The following DTD1 variants were observed in gnomAD, a reference collection of about 807,000 sequenced individuals.
DTD1 encodes D-aminoacyl-tRNA deacylase 1.
Under a neutral mutation model 25.6 loss-of-function variants are expected in DTD1, and 13 were observed. The observed-to-expected ratio is 0.51, with a 90% CI of 0.33 to 0.81. The LOEUF (loss-of-function observed/expected upper bound fraction) is 0.81. Ranked by LOEUF, DTD1 falls within the 30% of genes least tolerant of loss-of-function variation. DTD1 has a pLI of 0.02. For synonymous variants in DTD1, 110 were observed against 103.6 expected (o/e 1.06, Z -0.37); for missense variants, 193 against 266.4 (o/e 0.72, Z 1.92).
chr20:18,617,730 T>A (rs1189491878), intron 3 of DTD1, among the ~76,000 whole-genome samples: 1 of 150,186 alleles, frequency 6.7e-6, no homozygotes. Flanking sequence ...TCTATCCATT[T>A]GCAAATGTGA....
chr20:18,760,134 G>A (rs972380412), intron 5 of DTD1, among the ~76,000 whole-genome samples: 2 of 152,056 alleles, frequency 1.3e-5, no homozygotes, highest in South Asian at 2.1e-4. Context: ...TTAGCCATTC[G>A]TCTAATCTTT....
At chr20:18,681,917 G>A (rs1463609417) in intron 4 of DTD1, among the ~76,000 whole-genome samples, 3 of 152,110 alleles carry the variant, frequency 2.0e-5, no homozygotes, top group African/African-American at 7.2e-5. Context: ...AAAAGTTAAC[G>A]ATTTAAACCA....
intron 3 of DTD1, among the ~76,000 whole-genome samples, chr20:18,615,321 G>T (rs895331142): frequency 6.6e-6 from 1 of 152,048 alleles, no homozygotes; most frequent in African/African-American, 2.4e-5. Flanking sequence ...TCGAATCATT[G>T]CTTTAGGGGA....
At chr20:18,762,119 T>C (rs537221951) in intron 5 of DTD1, among the ~76,000 whole-genome samples, 1 of 152,312 alleles carries the variant, frequency 6.6e-6, no homozygotes, top group East Asian at 1.9e-4. Context: ...GAATGAGGGC[T>C]GTTAGTCTAT....
intron 4 of DTD1, among the ~76,000 whole-genome samples, chr20:18,732,341 C>T (rs1224122122): frequency 1.3e-5 from 2 of 152,216 alleles, no homozygotes; most frequent in African/African-American, 4.8e-5. Flanking sequence ...AACTCTGTTA[C>T]AGTTCATGAT....
At position 18,588,927 on chromosome 20, in the gene DTD1, A is replaced by G. The variant is rs2060577688; in HGVS notation, c.43+812A>G. The G allele has an allele frequency of 4.2e-6, 4 of 949,954 alleles. No homozygotes were observed. In the South Asian group the frequency reaches 1.5e-4, roughly 35 times the overall value. 58.8% of individuals were successfully genotyped at this position (949,954 alleles called of 1,614,324 possible). On this transcript the variant is annotated intron_variant, in intron 1 of 5. Transcript: ENST00000377452. ...AAAAAACATTTAAATGACAAGCTTT[A>G]TATTGTCTTTAGTCTTTTCTGTCTT...
chr20:18,658,189 A>ATGTGTGTGTG lies in DTD1; in HGVS notation c.477+29986_477+29995dup, dbSNP rs60197503. ...TAGGCAGAGGGCATAAGAGTCTGAGATGTGTGTGTGTGTGTGTGTGTGTGT... is the reference window on the plus strand; with the variant it reads ...TAGGCAGAGGGCATAAGAGTCTGAGATGTGTGTGTGTGTGTGTGTGTGTGTGTGTGTGTGT... On this transcript the variant is annotated intron_variant, in intron 4 of 5. Coordinates refer to ENST00000377452, the MANE Select transcript of DTD1 (RefSeq NM_080820.6). 8.3e-3 allele frequency among the ~76,000 whole-genome samples: 1,211 copies of ATGTGTGTGTG among 146,218 alleles called. 10 individuals are homozygous for ATGTGTGTGTG. Among genetic ancestry groups the ATGTGTGTGTG allele is most frequent in the South Asian group, 0.034 (151 of 4,466 alleles).
chr20:18,719,942 C>T (rs544761480), intron 4 of DTD1, among the ~76,000 whole-genome samples: 2 of 152,336 alleles, frequency 1.3e-5, no homozygotes, highest in East Asian at 3.9e-4. Context: ...TACATTTACT[C>T]AGTTAAAAGC....
intron 4 of DTD1, among the ~76,000 whole-genome samples, chr20:18,709,215 TC>T (rs760698187): frequency 6.6e-6 from 1 of 151,372 alleles, no homozygotes; most frequent in Non-Finnish European, 1.5e-5. Flanking sequence ...ATAAATATGA[TC>T]CCCCCTTTGC....
chr20:18,633,659 GGACCGGAGGTTTTAGCT>G (rs2060796794), intron 4 of DTD1, among the ~76,000 whole-genome samples: 1 of 152,190 alleles, frequency 6.6e-6, no homozygotes, highest in Non-Finnish European at 1.5e-5. Context: ...GCCTCCCAGG[GGACCGGAGGTTTTAGCT>G]GACCTTTAAG....
intron 4 of DTD1, among the ~76,000 whole-genome samples, chr20:18,718,457 G>C (rs757805315): frequency 2.6e-5 from 4 of 152,188 alleles, no homozygotes; most frequent in Non-Finnish European, 4.4e-5. Flanking sequence ...GGGATAATGA[G>C]GGGGAGACAT....
At chr20:18,612,052 T>G (rs2060689022) in intron 3 of DTD1, among the ~76,000 whole-genome samples, 2 of 115,536 alleles carry the variant, frequency 1.7e-5, no homozygotes, top group African/African-American at 6.1e-5. Flanking sequence ...TTTTTTTTTT[T>G]GAAACGGAGT....
chr20:18,661,580 C>T lies in DTD1; in HGVS notation c.477+33347C>T, dbSNP rs569285805. Among the ~76,000 whole-genome samples the T allele has an allele frequency of 2.0e-5, 3 of 152,160 alleles. No individual in the cohort carries two copies. In the East Asian group the frequency reaches 5.8e-4, roughly 30 times the overall value. On this transcript the variant is annotated intron_variant, in intron 4 of 5. Transcript: ENST00000377452. ...TAGAGACGGGGTTTCACCGTGTTAG[C>T]CAGGATGGTTTTGATCTCCTGACCT...
intron 4 of DTD1, among the ~76,000 whole-genome samples, chr20:18,670,192 C>T (rs1477283067): frequency 2.0e-5 from 3 of 152,140 alleles, no homozygotes; most frequent in African/African-American, 7.2e-5. Context: ...TGCGGTGGCT[C>T]ATGCGTATAA....
chr20:18,633,920 T>C (rs1229575776), intron 4 of DTD1, among the ~76,000 whole-genome samples: 4 of 152,188 alleles, frequency 2.6e-5, no homozygotes, highest in Admixed American at 2.6e-4. Flanking sequence ...ACCCATCACA[T>C]TATAGGCTGC....
intron 4 of DTD1, among the ~76,000 whole-genome samples, chr20:18,742,022 G>A (rs1177583879): frequency 1.3e-5 from 2 of 151,666 alleles, no homozygotes; most frequent in African/African-American, 4.9e-5. Context: ...GCAGGCATGA[G>A]CCACCACCTC....
chr20:18,673,192 C>T (rs549238922), intron 4 of DTD1, among the ~76,000 whole-genome samples: 32 of 152,286 alleles, frequency 2.1e-4, no homozygotes, highest in African/African-American at 6.3e-4. Flanking sequence ...TTAATCTGTC[C>T]AGTATGTTCA....
intron 4 of DTD1, among the ~76,000 whole-genome samples, chr20:18,708,278 A>T (rs1399416275): frequency 6.8e-4 from 14 of 20,442 alleles, no homozygotes; most frequent in Admixed American, 1.6e-3. Context: ...TATATATATA[A>T]TATATATTAT....
chr20:18,707,302 T>C (rs1393384680), intron 4 of DTD1, among the ~76,000 whole-genome samples: 5 of 152,240 alleles, frequency 3.3e-5, no homozygotes, highest in Non-Finnish European at 7.3e-5. Flanking sequence ...GTTTTTTCCA[T>C]TTAAACAAGC....
Sources: allele counts gnomAD v4.1 joint callset (sites outside exome capture counted in the v4.1 genomes callset), GRCh38; gene constraint gnomAD v4.1.1; transcripts MANE v1.5; gene names NCBI Gene and HGNC (gene_info 2026-07-23, HGNC 2026-07-21).